SH3GL3: variants seen among roughly 807,000 people sequenced by gnomAD.
SH3GL3 encodes the protein endophilin-A3.
Under a neutral mutation model 47.7 loss-of-function variants are expected in SH3GL3, and 33 were observed. The observed-to-expected ratio is 0.69, with a 90% confidence interval of 0.52 to 0.92. SH3GL3 has a LOEUF of 0.92. SH3GL3 is among the 40% of genes least tolerant of loss of function. The pLI is 0.00. For missense variants in SH3GL3, 363 were observed against 417.8 expected (o/e 0.87, Z 1.14); for synonymous variants, 155 against 148.8 (o/e 1.04, Z -0.30).
intron 1 of SH3GL3, among the ~76,000 whole-genome samples, chr15:83,487,201 CTGTTTT>C (rs142465650): frequency 0.12 from 12,809 of 108,586 alleles, 668 homozygotes; most frequent in East Asian, 0.21. Context: ...ACCGGTTTAC[CTGTTTT>C]TTTTTTTTTT....
rs148775580 is a variant in SH3GL3 at position 83,448,577 on chromosome 15, C to A, written c.45+999C>A. Among the ~76,000 whole-genome samples, 563 of 152,134 alleles carry A rather than the reference C, an allele frequency of 3.7e-3. 4 individuals are homozygous for A. The highest frequency in any genetic ancestry group is 0.013 in the African/African-American group (527 of 41,486). On this transcript the variant is annotated intron_variant, in intron 1 of 8. Coordinates refer to ENST00000427482, the MANE Select transcript of SH3GL3 (RefSeq NM_003027.5). This position sits in a 1 kb window ranked among gnomAD's most constrained non-coding sequence, Gnocchi z 4.2. ...TAAAACCTGTTCCCCACCAGCACCGCTGGGTCTGTTGCTTCTCACCACCTC... is the reference window on the plus strand; with the variant it reads ...TAAAACCTGTTCCCCACCAGCACCGATGGGTCTGTTGCTTCTCACCACCTC...
chr15:83,592,407 G>T, intron 8 of SH3GL3, among the ~76,000 whole-genome samples: 1 of 152,142 alleles, frequency 6.6e-6, no homozygotes, highest in Non-Finnish European at 1.5e-5. Context: ...ATGTGAGCAG[G>T]CTGCATGACT....
intron 1 of SH3GL3, among the ~76,000 whole-genome samples, chr15:83,475,759 G>A (rs1407048689): frequency 1.3e-5 from 2 of 152,176 alleles, no homozygotes. Context: ...CACTTACAGC[G>A]CACAGAAATC....
chr15:83,585,571 C>T (rs1380078127), intron 6 of SH3GL3, among the ~76,000 whole-genome samples: 1 of 152,206 alleles, frequency 6.6e-6, no homozygotes, highest in Admixed American at 6.5e-5. Context: ...AATTCTACTA[C>T]GATCGTGCTA....
At chr15:83,601,276 G>T (rs1373631219) in intron 8 of SH3GL3, among the ~76,000 whole-genome samples, 1 of 152,144 alleles carries the variant, frequency 6.6e-6, no homozygotes, top group African/African-American at 2.4e-5. Flanking sequence ...TCTTGTTCCA[G>T]TTCTCAGCGG....
Position 83,576,815 on chromosome 15 carries a change from G to C in SH3GL3, c.624+74G>C, listed in dbSNP as rs867523776. The C allele has an allele frequency of 7.0e-5, 75 of 1,067,456 alleles. No individual in the cohort carries two copies. The African/African-American group carries it at 1.0e-3, about 14-fold the overall frequency. 66.1% of individuals were successfully genotyped at this position (1,067,456 alleles called of 1,614,324 possible). A position where few individuals can be genotyped will look rare whatever the true frequency, so the allele number is the denominator to read the frequency against. On this transcript the variant is annotated intron_variant, in intron 6 of 8. Coordinates refer to ENST00000427482, the MANE Select transcript of SH3GL3 (RefSeq NM_003027.5). ...TTGAATATATGACTATGATCGGCAT[G>C]TTGAAAAACTCTAAAGCAGGAGTGT...
chr15:83,540,503 T>G (rs971186176), intron 1 of SH3GL3, among the ~76,000 whole-genome samples: 1 of 152,196 alleles, frequency 6.6e-6, no homozygotes, highest in Admixed American at 6.5e-5. Context: ...AAATTGACTT[T>G]TTACAATTGT....
intron 6 of SH3GL3, among the ~76,000 whole-genome samples, chr15:83,577,962 C>A (rs1012825058): frequency 5.3e-5 from 8 of 152,190 alleles, no homozygotes; most frequent in African/African-American, 1.9e-4. Flanking sequence ...GTGCCTTTAC[C>A]TGTCATAGCC....
chr15:83,596,602 A>AT (rs990306937), intron 8 of SH3GL3, among the ~76,000 whole-genome samples: 2 of 151,958 alleles, frequency 1.3e-5, no homozygotes, highest in Non-Finnish European at 2.9e-5. Context: ...GATTACTTGC[A>AT]TTTTTTAAAA....
intron 8 of SH3GL3, 107 bp from the exon 9 acceptor site, chr15:83,617,974 AG>A (rs2060872607): frequency 1.3e-6 from 1 of 740,790 alleles, no homozygotes; most frequent in East Asian, 2.6e-5. Context: ...GTGGGAAGGA[AG>A]CAAGGCCTGC....
intron 1 of SH3GL3, among the ~76,000 whole-genome samples, chr15:83,504,298 G>GA (rs1159724844): frequency 6.6e-6 from 1 of 152,190 alleles, no homozygotes; most frequent in Non-Finnish European, 1.5e-5. Context: ...GTTCCTTCCT[G>GA]ATACAATCTA....
At chr15:83,513,497 C>T (rs2042857606) in intron 1 of SH3GL3, among the ~76,000 whole-genome samples, 1 of 152,212 alleles carries the variant, frequency 6.6e-6, no homozygotes, top group Non-Finnish European at 1.5e-5. Flanking sequence ...TCAGGCTTCT[C>T]TTTCATCTGG....
At chr15:83,522,581 C>T (rs771990856) in intron 1 of SH3GL3, among the ~76,000 whole-genome samples, 3 of 152,186 alleles carry the variant, frequency 2.0e-5, no homozygotes, top group East Asian at 1.9e-4. Context: ...ACTGTTACTA[C>T]GTTAATTTAA....
At chr15:83,615,090 C>A (rs529473524) in intron 8 of SH3GL3, among the ~76,000 whole-genome samples, 1 of 146,080 alleles carries the variant, frequency 6.8e-6, no homozygotes, top group African/African-American at 2.6e-5. Context: ...AATAGGATGG[C>A]AAAAGTCACT....
intron 1 of SH3GL3, among the ~76,000 whole-genome samples, chr15:83,473,172 T>G (rs576624287): frequency 2.5e-4 from 35 of 139,600 alleles, no homozygotes; most frequent in Admixed American, 4.0e-4. Flanking sequence ...TCATTTCTGC[T>G]GATGGAGGCG....
intron 8 of SH3GL3, among the ~76,000 whole-genome samples, chr15:83,602,976 C>G (rs1050232435): frequency 1.3e-5 from 2 of 152,076 alleles, no homozygotes; most frequent in African/African-American, 4.8e-5. Flanking sequence ...TGTCTTCAGG[C>G]TAGGCTTATG....
At chr15:83,632,973 A>G in the SH3GL3 span, among the ~76,000 whole-genome samples, 2 of 152,242 alleles carry the variant, frequency 1.3e-5, no homozygotes, top group Admixed American at 6.5e-5. Context: ...TCAGCATCAG[A>G]AAAATGCAAA....
Position 83,618,377 on chromosome 15 carries a change from C to A in SH3GL3, c.*90C>A. The A allele has an allele frequency of 1.3e-6, 1 of 790,852 alleles. No homozygotes were observed. Among genetic ancestry groups the A allele is most frequent in the Non-Finnish European group, 2.2e-6 (1 of 448,054 alleles). The allele number at this position is 790,852 out of a possible 1,614,324, so 49.0% of individuals were successfully genotyped here. ...GTGCGGTGTTCTGTGACATCCTTTG[C>A]TCTCTGACCAACTTAATGACTTTTG... On this transcript the variant is annotated 3_prime_UTR_variant, in exon 9 of 9. Coordinates refer to ENST00000427482, the MANE Select transcript of SH3GL3 (RefSeq NM_003027.5).
chr15:83,474,908 T>C (rs1038279013), intron 1 of SH3GL3, among the ~76,000 whole-genome samples: 1 of 151,880 alleles, frequency 6.6e-6, no homozygotes, highest in South Asian at 2.1e-4. Context: ...TTGAAATGGG[T>C]GGGCAGCCTC....
Sources: gnomAD v4.1 joint callset for allele counts (sites outside exome capture counted in the v4.1 genomes callset) on GRCh38, gnomAD v4.1.1 for gene constraint, Gnocchi (gnomAD v3.1) non-coding constraint, MANE v1.5 for transcripts, NCBI Gene and HGNC (gene_info 2026-07-23, HGNC 2026-07-21) for gene names.